Variants in CDKL4 observed in about 807,000 individuals in gnomAD.
CDKL4 encodes cyclin dependent kinase like 4.
In CDKL4, 44 loss-of-function variants were observed where a neutral mutation model predicts 42.0. The observed-to-expected ratio is 1.05, with a 90% confidence interval of 0.82 to 1.35. The LOEUF (loss-of-function observed/expected upper bound fraction) is 1.35, where lower values mean the gene tolerates loss of function less well. Among genes scored for constraint, CDKL4 ranks in the 40% most tolerant of loss-of-function variants. The probability of loss-of-function intolerance (pLI) is 0.00; values close to 1 mark genes in which losing one functional copy is unlikely to be tolerated. For synonymous variants in CDKL4, 120 were observed against 121.6 expected, an observed-to-expected ratio of 0.99 and a Z score of 0.09; for missense variants, 393 against 369.9, an observed-to-expected ratio of 1.06 and a Z score of -0.51.
chr2:39,171,640 G>T (rs901476242), downstream of CDKL4, among the ~76,000 whole-genome samples: 5 of 152,186 alleles, frequency 3.3e-5, no homozygotes, highest in African/African-American at 1.2e-4. Flanking sequence ...GGAGCTCTAA[G>T]AATAGGCAAA....
At chr2:39,170,211 G>C in the CDKL4 span, among the ~76,000 whole-genome samples, 1 of 140,176 alleles carries the variant, frequency 7.1e-6, no homozygotes, top group Non-Finnish European at 1.5e-5. Flanking sequence ...AAACAAGAAT[G>C]AAGTTGTTAA....
At chr2:39,209,119 A>AGG (rs1677408262) in intron 4 of CDKL4, among the ~76,000 whole-genome samples, 5 of 150,776 alleles carry the variant, frequency 3.3e-5, no homozygotes, top group Admixed American at 6.6e-5. Flanking sequence ...TGGGCAACAC[A>AGG]ATGAGACTAT....
At chr2:39,198,321 C>A (rs1328606614) in intron 5 of CDKL4, among the ~76,000 whole-genome samples, 1 of 149,544 alleles carries the variant, frequency 6.7e-6, no homozygotes, top group Non-Finnish European at 1.5e-5. Context: ...ACGCACCTAA[C>A]ATTGGAGCTT....
intron 2 of CDKL4, among the ~76,000 whole-genome samples, chr2:39,226,583 G>A (rs1678761321): frequency 6.6e-6 from 1 of 150,880 alleles, no homozygotes; most frequent in Admixed American, 6.6e-5. Context: ...CATTTCACAA[G>A]ACAGCCTCTG....
chr2:39,201,222 T>C (rs1676821982), intron 5 of CDKL4, among the ~76,000 whole-genome samples: 5 of 150,942 alleles, frequency 3.3e-5, no homozygotes, highest in Admixed American at 3.3e-4. Context: ...ATGCTCAACA[T>C]CACTAATTAT....
intron 4 of CDKL4, among the ~76,000 whole-genome samples, chr2:39,208,196 A>G (rs905050223): frequency 2.0e-5 from 3 of 147,762 alleles, no homozygotes; most frequent in South Asian, 4.2e-4. Context: ...ATGCTTAGAC[A>G]TACAGCATTC....
chr2:39,224,755 C>T (rs1020634027), intron 3 of CDKL4, among the ~76,000 whole-genome samples: 3 of 152,124 alleles, frequency 2.0e-5, no homozygotes, highest in South Asian at 4.1e-4. Context: ...CCACCTGCCT[C>T]AGCCTCCCAA....
chr2:39,169,437 G>C, the CDKL4 span, among the ~76,000 whole-genome samples: 5 of 152,264 alleles, frequency 3.3e-5, no homozygotes, highest in South Asian at 4.1e-4. Context: ...ACAGAGATGA[G>C]AGAGAGGAAG....
chr2:39,214,151 G>A (rs1234858227), intron 3 of CDKL4, among the ~76,000 whole-genome samples: 1 of 152,060 alleles, frequency 6.6e-6, no homozygotes, highest in African/African-American at 2.4e-5. Flanking sequence ...TTGAACTCTC[G>A]ACCTCAGATG....
rs773237021 is a variant in CDKL4 at position 39,213,439 on chromosome 2, C to T, written c.324G>A (p.Trp108Ter). Residue 108 changes from tryptophan (W) to a stop codon, truncating the protein, a stop_gained, in exon 4 of 10, where the codon TGG becomes TGA. Transcript: ENST00000451199. LOFTEE classifies it high-confidence loss of function. Reference sequence around the variant, plus strand: ...AGAAATTAAGAGCTTGAAGTGTTTGCCATAATACGCTTTTGATCACTCCAT... The same window carrying T: ...AGAAATTAAGAGCTTGAAGTGTTTGTCATAATACGCTTTTGATCACTCCAT... The T allele has an allele frequency of 1.0e-4, 166 of 1,610,592 alleles. 1 individual carries two copies. In the Admixed American group the frequency reaches 2.6e-3, roughly 26 times the overall value.
chr2:39,221,973 A>G (rs1678401271), intron 3 of CDKL4, among the ~76,000 whole-genome samples: 1 of 152,200 alleles, frequency 6.6e-6, no homozygotes, highest in Non-Finnish European at 1.5e-5. Flanking sequence ...TCTCTTCATC[A>G]CATTTTAAGC....
downstream of CDKL4, among the ~76,000 whole-genome samples, chr2:39,171,169 G>T (rs917940324): frequency 1.3e-5 from 2 of 151,782 alleles, no homozygotes; most frequent in African/African-American, 2.4e-5. Flanking sequence ...AACATGTGAG[G>T]TGGAGGCTGC....
intron 5 of CDKL4, among the ~76,000 whole-genome samples, chr2:39,197,161 C>A (rs1327430737): frequency 6.6e-6 from 1 of 152,138 alleles, no homozygotes; most frequent in Non-Finnish European, 1.5e-5. Context: ...AAATCAAGGA[C>A]ACACTTAGAG....
rs145053017 is a variant in CDKL4 at position 39,187,264 on chromosome 2, A to G, written c.735+363T>C. Among the ~76,000 whole-genome samples the G allele has an allele frequency of 5.0e-3, 766 of 152,310 alleles. 7 individuals carry two copies. The highest frequency in any genetic ancestry group is 0.017 in the African/African-American group (704 of 41,558). On this transcript the variant is annotated intron_variant, in intron 7 of 9. Transcript: ENST00000451199. ...CCCAGCCATGCTGGACTGTGAGTCA[A>G]TTAAATCTCTTTCCTTTATAAATTA...
At chr2:39,233,618 C>T (rs1679203953) in intron 1 of CDKL4, among the ~76,000 whole-genome samples, 1 of 151,718 alleles carries the variant, frequency 6.6e-6, no homozygotes, top group African/African-American at 2.4e-5. Flanking sequence ...TACTAACAGC[C>T]AAAACCTGCC....
downstream of CDKL4, among the ~76,000 whole-genome samples, chr2:39,173,875 T>C (rs575145243): frequency 1.3e-5 from 2 of 150,414 alleles, no homozygotes; most frequent in Admixed American, 1.3e-4. Flanking sequence ...CCCAATTACT[T>C]GAGAGACTGA....
At chr2:39,185,183 TGTATATAC>T (rs1225683104) in intron 7 of CDKL4, among the ~76,000 whole-genome samples, 3 of 121,546 alleles carry the variant, frequency 2.5e-5, no homozygotes, top group African/African-American at 1.0e-4. Context: ...TATACATATG[TGTATATAC>T]ATATATATAC....
chr2:39,222,582 T>C (rs1649665549), intron 3 of CDKL4, among the ~76,000 whole-genome samples: 1 of 151,984 alleles, frequency 6.6e-6, no homozygotes, highest in African/African-American at 2.4e-5. Flanking sequence ...AGTGTGAGAC[T>C]CTGTCTCTAA....
chr2:39,238,216 A>C (rs1200280076), intron 1 of CDKL4, among the ~76,000 whole-genome samples: 1 of 152,194 alleles, frequency 6.6e-6, no homozygotes, highest in Non-Finnish European at 1.5e-5. Flanking sequence ...GGATTACTTG[A>C]GCCGAAAAGT....
Sources: gnomAD v4.1 joint callset for allele counts (sites outside exome capture counted in the v4.1 genomes callset) on GRCh38, gnomAD v4.1.1 for gene constraint, MANE v1.5 for transcripts, NCBI Gene and HGNC (gene_info 2026-07-23, HGNC 2026-07-21) for gene names.